Variants in TMCO6 observed in about 807,000 individuals in gnomAD.
TMCO6 encodes the protein transmembrane and coiled-coil domain-containing protein 6.
In TMCO6, 47 loss-of-function variants were observed where a neutral mutation model predicts 61.8. The ratio of observed to expected loss-of-function variants is 0.76; its 90% CI spans 0.60 to 0.97. The LOEUF (loss-of-function observed/expected upper bound fraction) is 0.97. Among genes scored for constraint, TMCO6 ranks in the 50% least tolerant of loss-of-function variants. TMCO6 has a pLI of 0.00. For synonymous variants in TMCO6, 261 were observed against 254.2 expected (o/e 1.03, Z -0.25); for missense variants, 557 against 601.6 (o/e 0.93, Z 0.78).
At chr5:140,637,203 C>A (rs138874744), upstream of TMCO6, among the ~76,000 whole-genome samples, 37 of 152,178 alleles carry the variant, frequency 2.4e-4, no homozygotes, top group Admixed American at 2.4e-3. Context: ...AAGAGAAGGT[C>A]CCAGAAGAGG....
upstream of TMCO6, among the ~76,000 whole-genome samples, chr5:140,635,356 G>A (rs1430419018): frequency 6.6e-6 from 1 of 152,242 alleles, no homozygotes; most frequent in South Asian, 2.1e-4. Flanking sequence ...TCTGTAAAAT[G>A]GAGATGATAG....
At chr5:140,631,927 C>A in the TMCO6 span, 2 of 1,608,538 alleles carry the variant, frequency 1.2e-6, no homozygotes, top group Non-Finnish European at 8.5e-7. Context: ...GTCGAACGTG[C>A]ACAGGCTGGG....
the TMCO6 span, among the ~76,000 whole-genome samples, chr5:140,626,731 T>G: frequency 6.6e-6 from 1 of 152,234 alleles, no homozygotes; most frequent in Non-Finnish European, 1.5e-5. Context: ...TTTGTATGTT[T>G]AGTAGAGATG....
intron 7 of TMCO6, among the ~76,000 whole-genome samples, 164 bp downstream of exon 7, chr5:140,643,205 T>C (rs1488863955): frequency 5.9e-5 from 9 of 151,958 alleles, no homozygotes; most frequent in Admixed American, 5.9e-4. Flanking sequence ...CTGTTTCTCT[T>C]TTTTTTTGAG....
chr5:140,618,305 T>C, the TMCO6 span, among the ~76,000 whole-genome samples: 184 of 152,208 alleles, frequency 1.2e-3, no homozygotes, highest in African/African-American at 4.3e-3. Flanking sequence ...GGTGCATGCC[T>C]GTAATCCCAG....
At chr5:140,597,623 T>C in the TMCO6 span, among the ~76,000 whole-genome samples, 1 of 152,248 alleles carries the variant, frequency 6.6e-6, no homozygotes, top group Non-Finnish European at 1.5e-5. Context: ...ACCCAAACTT[T>C]TCTACCTTTG....
chr5:140,616,070 T>C, the TMCO6 span, among the ~76,000 whole-genome samples: 1 of 151,748 alleles, frequency 6.6e-6, no homozygotes, highest in Non-Finnish European at 1.5e-5. Flanking sequence ...AGGTGGAGGT[T>C]GCAGTGAGCC....
At chr5:140,596,654 A>T in the TMCO6 span, among the ~76,000 whole-genome samples, 1 of 152,346 alleles carries the variant, frequency 6.6e-6, no homozygotes, top group East Asian at 1.9e-4. Flanking sequence ...TGGCTGGAAC[A>T]GCCTGGGCTC....
At chr5:140,621,302 C>G in the TMCO6 span, among the ~76,000 whole-genome samples, 2 of 152,152 alleles carry the variant, frequency 1.3e-5, no homozygotes, top group African/African-American at 2.4e-5. Flanking sequence ...GACAGAAGAA[C>G]GTGGATTGTG....
chr5:140,614,692 G>T, the TMCO6 span, among the ~76,000 whole-genome samples: 1 of 151,598 alleles, frequency 6.6e-6, no homozygotes, highest in African/African-American at 2.4e-5. Flanking sequence ...TTGGCTCACT[G>T]CAAGCTCAGC....
chr5:140,627,447 C>T, the TMCO6 span, among the ~76,000 whole-genome samples: 1 of 152,206 alleles, frequency 6.6e-6, no homozygotes, highest in African/African-American at 2.4e-5. Flanking sequence ...AGTGTCTGAC[C>T]TGCCTAATTT....
At chr5:140,631,606 G>A in the TMCO6 span, 1 of 402,216 alleles carries the variant, frequency 2.5e-6, no homozygotes, top group Non-Finnish European at 4.4e-6. Context: ...TTCTTGAGGA[G>A]GACAGATAGG....
the TMCO6 span, among the ~76,000 whole-genome samples, chr5:140,630,228 G>A: frequency 6.6e-6 from 1 of 151,870 alleles, no homozygotes; most frequent in East Asian, 2.0e-4. Context: ...TCTTGACCTC[G>A]TGATCCGCCC....
rs1176837713 is a variant in TMCO6, at chr5:140,644,638, G to T, written c.1266G>T (p.Gly422=). ...GPAYCQRLWP[G]PLLPALLHTL... The stretch of plus-strand genomic sequence containing the variant: ...CTTACTGCCAGCGGCTGTGGCCAGG[G>T]CCCCTGCTTCCCGCCTTGCTGCACA... The change falls in exon 11 of 12, where the codon GGG becomes GGT. Residue 422 remains glycine (G), a synonymous_variant. Coordinates refer to ENST00000394671, the MANE Select transcript of TMCO6 (RefSeq NM_018502.5). 1 of 1,614,226 alleles carries T rather than the reference G, an allele frequency of 6.2e-7. No homozygotes were observed. Among genetic ancestry groups the T allele is most frequent in the Admixed American group, 1.7e-5 (1 of 60,022 alleles).
At chr5:140,636,607 C>G (rs748293895), upstream of TMCO6, among the ~76,000 whole-genome samples, 6 of 152,074 alleles carry the variant, frequency 3.9e-5, no homozygotes, top group African/African-American at 7.2e-5. Context: ...CAGGCCCTAT[C>G]CCTGGCCAGA....
the TMCO6 span, among the ~76,000 whole-genome samples, chr5:140,597,354 T>C: frequency 1.3e-5 from 2 of 151,534 alleles, no homozygotes; most frequent in Non-Finnish European, 2.9e-5. Context: ...ATAAGAGTAA[T>C]CAGTTCATTA....
the TMCO6 span, among the ~76,000 whole-genome samples, chr5:140,596,678 C>A: frequency 2.0e-5 from 3 of 152,168 alleles, no homozygotes; most frequent in Admixed American, 2.0e-4. Flanking sequence ...TCCAGTCCCC[C>A]CTAGAAACAG....
chr5:140,642,946 C>A lies in TMCO6; in HGVS notation c.711C>A (p.Leu237=), dbSNP rs778806748. The A allele has an allele frequency of 6.2e-7, 1 of 1,614,222 alleles. No homozygotes were observed. Among genetic ancestry groups the A allele is most frequent in the Non-Finnish European group, 8.5e-7 (1 of 1,180,038 alleles). Residue 237 remains leucine (L), a synonymous_variant, in exon 7 of 12, where the codon CTC becomes CTA. Transcript: ENST00000394671. The part of the protein sequence containing the change: ...KIIPSILAST[L]PQHMLQMLQP... ...GCAGCTCCATCTTGGCCTCCACTCT[C>A]CCTCAGCACATGCTACAAATGTTGC...
At chr5:140,634,307 C>G in the TMCO6 span, among the ~76,000 whole-genome samples, 1 of 151,928 alleles carries the variant, frequency 6.6e-6, no homozygotes. Flanking sequence ...TAATTAGTAA[C>G]TCACCAGTTT....
Sources: allele counts gnomAD v4.1 joint callset (sites outside exome capture counted in the v4.1 genomes callset), GRCh38; gene constraint gnomAD v4.1.1; transcripts MANE v1.5; gene names NCBI Gene and HGNC (gene_info 2026-07-23, HGNC 2026-07-21).